The following KHSRP variants were observed in gnomAD, a reference collection of about 807,000 sequenced individuals.
KHSRP encodes KH-type splicing regulatory protein.
Under a neutral mutation model 94.9 loss-of-function variants are expected in KHSRP, and 13 were observed. That is an observed-to-expected ratio of 0.14 (90% confidence interval 0.09 to 0.22). KHSRP has a LOEUF of 0.22. KHSRP is among the 10% of genes least tolerant of loss of function. KHSRP has a pLI of 1.00. For missense variants in KHSRP, 710 were observed against 1,010.0 expected (o/e 0.70, Z 4.03); for synonymous variants, 495 against 401.4 (o/e 1.23, Z -2.79).
At chr19:6,416,714 T>C (rs74489818) in intron 13 of KHSRP, 24 bp downstream of exon 13, 22,864 of 1,610,110 alleles carry the variant, frequency 0.014, 232 homozygotes, top group South Asian at 0.028. Flanking sequence ...GGGCAAGGGA[T>C]AGGGTGCAGG....
Position 6,414,447 on chromosome 19 carries a change from T to G in KHSRP, c.*577A>C. ...TGGCTCCCGGCGCAGCACGACGACA[T>G]GAACAATCCAGAGATCATGGTGTCC... is the stretch of plus-strand genomic sequence containing the variant. On this transcript the variant is annotated 3_prime_UTR_variant, in exon 19 of 19. Coordinates refer to ENST00000600480, the MANE Select transcript of KHSRP (RefSeq NM_001366299.1). 1 of 1,203,026 alleles carries G rather than the reference T, an allele frequency of 8.3e-7. No homozygotes were observed. Among genetic ancestry groups the G allele is most frequent in the Non-Finnish European group, 1.0e-6 (1 of 965,286 alleles). 74.5% of individuals were successfully genotyped at this position (1,203,026 alleles called of 1,614,324 possible). A position where few individuals can be genotyped will look rare whatever the true frequency, so the allele number is the denominator to read the frequency against.
chr19:6,417,014 G>T lies in KHSRP; in HGVS notation c.1155C>A (p.Ile385=), dbSNP rs193266475. 2 of 1,613,786 alleles carry T rather than the reference G, an allele frequency of 1.2e-6. No homozygotes were observed. The highest frequency in any genetic ancestry group is 1.7e-6 in the Non-Finnish European group (2 of 1,179,876). Residue 385 remains isoleucine, a synonymous_variant, in exon 12 of 19, where the codon ATC becomes ATA. Coordinates refer to ENST00000600480, the MANE Select transcript of KHSRP (RefSeq NM_001366299.1). ...PPDRCEHAAR[I]INDLLQSLRS... Reference sequence around the variant, plus strand: ...TGAGGCTCTGGAGGAGGTCGTTGATGATCCGGGCTGCGTGCTCGCACCTGT... The same window carrying T: ...TGAGGCTCTGGAGGAGGTCGTTGATTATCCGGGCTGCGTGCTCGCACCTGT...
chr19:6,416,008 A>G, intron 15 of KHSRP, 112 bp from the exon 16 acceptor site: 1 of 725,514 alleles, frequency 1.4e-6, no homozygotes, highest in East Asian at 2.8e-5. Flanking sequence ...CCAGACCACC[A>G]GGCTCAACGG....
Position 6,414,959 on chromosome 19 carries a change from A to C in KHSRP, c.*65T>G. Reference sequence around the variant, plus strand: ...TTCGTTTAACCTCTGGACCCAGCGAATGCTTCCCTGGCGGTGCGTGGGGAC... The same window carrying C: ...TTCGTTTAACCTCTGGACCCAGCGACTGCTTCCCTGGCGGTGCGTGGGGAC... On this transcript the variant is annotated 3_prime_UTR_variant, in exon 19 of 19. Coordinates refer to ENST00000600480, the MANE Select transcript of KHSRP (RefSeq NM_001366299.1). 1 of 1,433,634 alleles carries C rather than the reference A, an allele frequency of 7.0e-7. No individual in the cohort carries two copies. The highest frequency in any genetic ancestry group is 9.1e-7 in the Non-Finnish European group (1 of 1,099,298). 88.8% of individuals were successfully genotyped at this position (1,433,634 alleles called of 1,614,324 possible).
Position 6,414,942 on chromosome 19 carries a change from AC to A in KHSRP, c.*81del. The A allele has an allele frequency of 7.1e-7, 1 of 1,414,018 alleles. No individual in the cohort carries two copies. The highest frequency in any genetic ancestry group is 9.2e-7 in the Non-Finnish European group (1 of 1,089,692). The allele number at this position is 1,414,018 out of a possible 1,614,324, so 87.6% of individuals were successfully genotyped here. ...CGGCGCAGGGAGGCCTCTTCGTTTA[AC>A]CTCTGGACCCAGCGAATGCTTCCCT... On this transcript the variant is annotated 3_prime_UTR_variant, in exon 19 of 19. Coordinates refer to ENST00000600480, the MANE Select transcript of KHSRP (RefSeq NM_001366299.1).
chr19:6,419,667 G>A (rs748633480), intron 6 of KHSRP, among the ~76,000 whole-genome samples: 2 of 152,244 alleles, frequency 1.3e-5, no homozygotes, highest in African/African-American at 4.8e-5. Flanking sequence ...TTGCCTGAGA[G>A]CAGATGTGCA....
In KHSRP at chr19:6,414,006, C is replaced by T; in HGVS notation, c.*1018G>A. The T allele has an allele frequency of 6.7e-7, 1 of 1,484,256 alleles. No individual in the cohort carries two copies. Among genetic ancestry groups the T allele is most frequent in the Admixed American group, 2.3e-5 (1 of 43,102 alleles). 91.9% of individuals were successfully genotyped at this position (1,484,256 alleles called of 1,614,324 possible). ...GCCGCGAGGGCTCCCCAGTACTCCC[C>T]ACGGCAGCCATCGCTCTCTCGCCAA... On this transcript the variant is annotated 3_prime_UTR_variant, in exon 19 of 19. Coordinates refer to ENST00000600480, the MANE Select transcript of KHSRP (RefSeq NM_001366299.1).
Position 6,414,745 on chromosome 19 carries a change from AT to A in KHSRP, c.*278del. On this transcript the variant is annotated 3_prime_UTR_variant, in exon 19 of 19. Coordinates refer to ENST00000600480, the MANE Select transcript of KHSRP (RefSeq NM_001366299.1). ...AAAGTGATGCAGAGAAGGGGAAAAA[AT>A]AGACGTTTTCTTCCCAAGTGGCCAG... 9.3e-7 allele frequency: 1 copy of A among 1,072,378 alleles called. No individual in the cohort carries two copies. The highest frequency in any genetic ancestry group is 1.1e-6 in the Non-Finnish European group (1 of 886,524). The allele number at this position is 1,072,378 out of a possible 1,614,324, so 66.4% of individuals were successfully genotyped here.
intron 4 of KHSRP, chr19:6,420,851 C>T (rs555283326): frequency 8.0e-6 from 3 of 375,450 alleles, no homozygotes; most frequent in Non-Finnish European, 1.5e-5. Flanking sequence ...TGCCCTGTGT[C>T]AGGTTCACCT....
In KHSRP at chr19:6,422,391, T is replaced by C. The variant is rs2145124690; in HGVS notation, c.295A>G (p.Ser99Gly). 6.2e-7 allele frequency: 1 copy of C among 1,613,902 alleles called. No individual in the cohort carries two copies. The highest frequency in any genetic ancestry group is 1.1e-5 in the South Asian group (1 of 91,084). ...CCCCCAAAACCAAAATCAGGAGTGC[T>C]GTTATTCACTGTCGTGGCAGCATCG... ...GGDAATTVNN[S>G]TPDFGFGGQK... Residue 99 changes from serine to glycine, a missense_variant, in exon 2 of 19, where the codon AGC becomes GGC. Physicochemically the swap from Ser to Gly is moderately conservative, Grantham distance 56. Transcript: ENST00000600480.
At chr19:6,423,071 G>A (rs1036121292) in intron 1 of KHSRP, among the ~76,000 whole-genome samples, 18 of 152,160 alleles carry the variant, frequency 1.2e-4, no homozygotes, top group African/African-American at 4.1e-4. Context: ...CTTGAACTCA[G>A]GAGTTCGAGA....
chr19:6,414,140 A>G lies in KHSRP; in HGVS notation c.*884T>C. ...TTGAGCCTGCGGAGAGGGAAGAGAT[A>G]GGAATTGGTCACTACGGGGAGGGAA... On this transcript the variant is annotated 3_prime_UTR_variant, in exon 19 of 19. Coordinates refer to ENST00000600480, the MANE Select transcript of KHSRP (RefSeq NM_001366299.1). The G allele has an allele frequency of 9.9e-7, 1 of 1,011,858 alleles. No homozygotes were observed. The highest frequency in any genetic ancestry group is 1.5e-6 in the Non-Finnish European group (1 of 687,090). The allele number at this position is 1,011,858 out of a possible 1,614,324, so 62.7% of individuals were successfully genotyped here. A position where few individuals can be genotyped will look rare whatever the true frequency, so the allele number is the denominator to read the frequency against.
intron 11 of KHSRP, 42 bp downstream of exon 11, chr19:6,417,697 T>TG (rs1362282249): frequency 1.3e-6 from 2 of 1,542,328 alleles, no homozygotes; most frequent in Non-Finnish European, 1.8e-6. Context: ...CCAAAGAGGG[T>TG]GGGGGTGCAC....
chr19:6,424,630 T>A lies in KHSRP; in HGVS notation c.72A>T (p.Gly24=), dbSNP rs1022207048. ...CCGGCGGAGGGCCTCCCCCGGCGCCTCCGGCTCCCCCGCCCCCGCCGGCGG... is the reference window on the plus strand; with the variant it reads ...CCGGCGGAGGGCCTCCCCCGGCGCCACCGGCTCCCCCGCCCCCGCCGGCGG... ...PPPAGGGGGA[G]GAGGGPPPGP... is the part of the protein sequence containing the mutation. Residue 24 remains glycine, a synonymous_variant, in exon 1 of 19, where the codon GGA becomes GGT. Transcript: ENST00000600480. 2.1e-5 allele frequency: 20 copies of A among 971,908 alleles called. No individual in the cohort carries two copies. The African/African-American group carries it at 3.6e-4, about 17-fold the overall frequency. 60.2% of individuals were successfully genotyped at this position (971,908 alleles called of 1,614,324 possible).
Position 6,419,250 on chromosome 19 carries a change from GC to G in KHSRP, c.557del (p.Gly186AlafsTer9). 6.3e-7 allele frequency: 1 copy of G among 1,578,974 alleles called. No homozygotes were observed. The highest frequency in any genetic ancestry group is 1.2e-5 in the South Asian group (1 of 86,026). On this transcript the variant is annotated frameshift_variant, in exon 7 of 19. Transcript: ENST00000600480. LOFTEE classifies it high-confidence loss of function. Reference protein sequence around the residue: ...CKVQISPDSGGLPERSVSLTG... With the variant: ...CKVQISPDSGXLPERSVSLTG... ...TCAAGGACACACTGCGCTCGGGTAG[GC>G]CACCGCTGTCTGAAAAGAGGAGATA... is the stretch of plus-strand genomic sequence containing the variant.
chr19:6,414,556 G>GCGAGCGCATGGGAGGCTGAGCC lies in KHSRP; in HGVS notation c.*446_*467dup. 1 of 1,023,944 alleles carries GCGAGCGCATGGGAGGCTGAGCC rather than the reference G, an allele frequency of 9.8e-7. No homozygotes were observed. The highest frequency in any genetic ancestry group is 1.2e-6 in the Non-Finnish European group (1 of 855,452). 63.4% of individuals were successfully genotyped at this position (1,023,944 alleles called of 1,614,324 possible). On this transcript the variant is annotated 3_prime_UTR_variant, in exon 19 of 19. Transcript: ENST00000600480. ...AGACAAGCCCGGGACACAGGCAAGC[G>GCGAGCGCATGGGAGGCTGAGCC]CGAGCGCATGGGAGGCTGAGCCCGG...
Position 6,416,336 on chromosome 19 carries a change from A to G in KHSRP, c.1560T>C (p.Pro520=). The G allele has an allele frequency of 6.2e-7, 1 of 1,607,804 alleles. No homozygotes were observed. Among genetic ancestry groups the G allele is most frequent in the Non-Finnish European group, 8.5e-7 (1 of 1,178,348 alleles). ...CGGGTGGCCCCTGGTTGAAGGGCCC[A>G]GGATTGAAGGGCCCCATTGGGCCAG... The part of the protein sequence containing the change: ...GPAGPMGPFN[P]GPFNQGPPGA... The change falls in exon 15 of 19, where the codon CCT becomes CCC. Residue 520 remains proline (P), a synonymous_variant. Transcript: ENST00000600480.
chr19:6,423,078 G>A (rs905179296), intron 1 of KHSRP, among the ~76,000 whole-genome samples: 1 of 152,112 alleles, frequency 6.6e-6, no homozygotes, highest in South Asian at 2.1e-4. Flanking sequence ...TCAGGAGTTC[G>A]AGACAGACTG....
intron 11 of KHSRP, 102 bp from the exon 12 acceptor site, chr19:6,417,189 A>G: frequency 1.2e-6 from 1 of 861,144 alleles, no homozygotes; most frequent in Non-Finnish European, 1.8e-6. Context: ...CCGGCCTGAG[A>G]TCTCAGACGC....
Sources: gnomAD v4.1 joint callset for allele counts (sites outside exome capture counted in the v4.1 genomes callset) on GRCh38, gnomAD v4.1.1 for gene constraint, MANE v1.5 for transcripts, NCBI Gene and HGNC (gene_info 2026-07-23, HGNC 2026-07-21) for gene names.